NLRC5: variants seen among roughly 807,000 people sequenced by gnomAD.
NLRC5 encodes protein NLRC5.
NLRC5 carries 114 observed loss-of-function variants against 206.9 expected under a neutral mutation model. The ratio of observed to expected loss-of-function variants is 0.55; its 90% CI spans 0.47 to 0.64. The LOEUF (loss-of-function observed/expected upper bound fraction) is 0.64, where lower values mean the gene tolerates loss of function less well. Among genes scored for constraint, NLRC5 ranks in the 30% least tolerant of loss-of-function variants. NLRC5 has a pLI of 0.00. For missense variants in NLRC5, 2,008 were observed against 2,305.5 expected, an observed-to-expected ratio of 0.87 and a Z score of 2.64; for synonymous variants, 952 against 962.8, an observed-to-expected ratio of 0.99 and a Z score of 0.21.
intron 22 of NLRC5, 89 bp from the exon 23 acceptor site, chr16:57,047,456 G>T: frequency 8.6e-7 from 1 of 1,161,870 alleles, no homozygotes; most frequent in South Asian, 1.3e-5. Context: ...TTAGAGTGAG[G>T]GATGCTGGGA....
At chr16:57,014,707 T>C (rs1488014137) in intron 1 of NLRC5, among the ~76,000 whole-genome samples, 7 of 152,158 alleles carry the variant, frequency 4.6e-5, no homozygotes, top group Non-Finnish European at 1.0e-4. Context: ...TCTTAGTCAG[T>C]TTGGGCTGTT....
chr16:56,997,379 C>A (rs562167653), intron 1 of NLRC5, among the ~76,000 whole-genome samples: 1 of 152,060 alleles, frequency 6.6e-6, no homozygotes, highest in Non-Finnish European at 1.5e-5. Context: ...CATGTCCCCT[C>A]CTTGTGCTGT....
chr16:57,061,750 G>A, intron 32 of NLRC5, 49 bp downstream of exon 32: 2 of 1,578,120 alleles, frequency 1.3e-6, no homozygotes, highest in South Asian at 2.3e-5. Flanking sequence ...ATGAATGGGA[G>A]CAGGGGTGGG....
chr16:57,071,764 G>A (rs78392927), intron 38 of NLRC5, among the ~76,000 whole-genome samples: 1,795 of 148,622 alleles, frequency 0.012, 44 homozygotes, highest in African/African-American at 0.043. Flanking sequence ...ATAGGGAAGA[G>A]TTGTGAGTGA....
In NLRC5 at chr16:57,055,013, C is replaced by G. The variant is rs1567612082; in HGVS notation, c.3597-19C>G. The G allele has an allele frequency of 3.1e-6, 5 of 1,614,134 alleles. No homozygotes were observed. The highest frequency in any genetic ancestry group is 2.2e-5 in the East Asian group (1 of 44,884). On this transcript the variant is annotated intron_variant, in intron 25 of 48. Transcript: ENST00000688547. Reference sequence around the variant, plus strand: ...AGGCTGTGGCCACAGCTGTCTGACCCAGGTCCTGTCTGATCCAGGTCCCTG... The same window carrying G: ...AGGCTGTGGCCACAGCTGTCTGACCGAGGTCCTGTCTGATCCAGGTCCCTG...
intron 22 of NLRC5, 21 bp from the exon 23 acceptor site, chr16:57,047,524 C>T (rs772458297): frequency 8.1e-6 from 13 of 1,604,036 alleles, no homozygotes. Flanking sequence ...ATTCCCTGCC[C>T]TGCCCATTGC....
At position 57,033,453 on chromosome 16, in the gene NLRC5, A is replaced by G. The variant is rs1392892548; in HGVS notation, c.2478-151A>G. Reference sequence around the variant, plus strand: ...TGCCCCTCCTGCTCTGCTGAATCACATCTTGAGCATCTGCAAGCAGTCTCC... The same window carrying G: ...TGCCCCTCCTGCTCTGCTGAATCACGTCTTGAGCATCTGCAAGCAGTCTCC... On this transcript the variant is annotated intron_variant, in intron 11 of 48. Coordinates refer to ENST00000688547, the MANE Select transcript of NLRC5 (RefSeq NM_001384950.1). 10 of 692,638 alleles carry G rather than the reference A, an allele frequency of 1.4e-5. No homozygotes were observed. The Admixed American group carries it at 1.9e-4, about 13-fold the overall frequency. 42.9% of individuals were successfully genotyped at this position (692,638 alleles called of 1,614,324 possible).
chr16:57,034,303 G>A, intron 13 of NLRC5, 52 bp downstream of exon 13: 1 of 1,462,626 alleles, frequency 6.8e-7, no homozygotes. Flanking sequence ...AGGTTGGAGA[G>A]GGTGGGCAGG....
chr16:57,065,160 TTGTC>T, intron 32 of NLRC5, 48 bp from the exon 33 acceptor site: 1 of 1,288,704 alleles, frequency 7.8e-7, no homozygotes, highest in Non-Finnish European at 1.0e-6. Context: ...TGTGTGCTGA[TTGTC>T]TGCTGCTCAC....
intron 13 of NLRC5, chr16:57,034,579 G>T: frequency 4.0e-6 from 1 of 252,698 alleles, no homozygotes; most frequent in Non-Finnish European, 7.7e-6. Flanking sequence ...GTCTAGGCTA[G>T]GGTTCAAGCC....
chr16:57,030,967 G>C (rs1399343894), intron 10 of NLRC5, among the ~76,000 whole-genome samples: 1 of 152,146 alleles, frequency 6.6e-6, no homozygotes, highest in Non-Finnish European at 1.5e-5. Flanking sequence ...GGGCATGGTG[G>C]TGCATGCCTG....
rs754775904 is a variant in NLRC5, at chr16:57,026,924, AG to A, written c.1984del (p.Glu662ArgfsTer22). ...CACCCTGACCAACATCCTAGAGCACAGGGAGGCCCCCATCCACCTGGATTTT... is the reference window on the plus strand; with the variant it reads ...CACCCTGACCAACATCCTAGAGCACAGGAGGCCCCCATCCACCTGGATTTT... Reference protein sequence around the residue: ...LATLTNILEHREAPIHLDFDG... With the variant: ...LATLTNILEHXEAPIHLDFDG... On this transcript the variant is annotated frameshift_variant, in exon 6 of 49. Coordinates refer to ENST00000688547, the MANE Select transcript of NLRC5 (RefSeq NM_001384950.1). LOFTEE classifies it high-confidence loss of function. 1 of 1,614,186 alleles carries A rather than the reference AG, an allele frequency of 6.2e-7. No individual in the cohort carries two copies. Among genetic ancestry groups the A allele is most frequent in the Non-Finnish European group, 8.5e-7 (1 of 1,180,014 alleles).
chr16:57,058,864 A>G, intron 28 of NLRC5, 108 bp from the exon 29 acceptor site: 1 of 918,274 alleles, frequency 1.1e-6, no homozygotes, highest in Admixed American at 1.7e-5. Flanking sequence ...TTAGACATGG[A>G]GGCTTCTCTT....
In NLRC5 at chr16:57,002,645, G is replaced by GTT. The variant is rs61167610; in HGVS notation, c.-128+13043_-128+13044dup. 7.5e-3 allele frequency among the ~76,000 whole-genome samples: 710 copies of GTT among 94,726 alleles called. 13 individuals are homozygous for GTT. Among genetic ancestry groups the GTT allele is most frequent in the African/African-American group, 0.013 (336 of 25,788 alleles). The allele number at this position is 94,726 out of a possible 152,430, so 62.1% of individuals were successfully genotyped here. A position where few individuals can be genotyped will look rare whatever the true frequency, so the allele number is the denominator to read the frequency against. On this transcript the variant is annotated intron_variant, in intron 1 of 48. Coordinates refer to ENST00000688547, the MANE Select transcript of NLRC5 (RefSeq NM_001384950.1). ...TCTAAATTTAGTTTAGTTTTTTTTT[G>GTT]TTTTTTTTTTTTTTTTGAGACAGAG...
At chr16:57,079,410 G>A (rs2068847464) in intron 45 of NLRC5, 118 bp downstream of exon 45, 2 of 1,385,872 alleles carry the variant, frequency 1.4e-6, no homozygotes, top group South Asian at 2.4e-5. Context: ...GGGATGGTGG[G>A]GGCCTGGCTC....
intron 4 of NLRC5, among the ~76,000 whole-genome samples, chr16:57,023,036 G>T (rs969517832): frequency 6.6e-6 from 1 of 152,198 alleles, no homozygotes; most frequent in African/African-American, 2.4e-5. Context: ...TATAGGATTT[G>T]TTAAGATATT....
intron 19 of NLRC5, 142 bp downstream of exon 19, chr16:57,042,207 G>C: frequency 2.2e-6 from 1 of 459,566 alleles, no homozygotes; most frequent in Non-Finnish European, 3.8e-6. Flanking sequence ...GTAAGTTCTC[G>C]GTGAAGGCTA....
At chr16:57,023,989 A>T (rs2060978521) in intron 5 of NLRC5, 136 bp downstream of exon 5, 1 of 816,462 alleles carries the variant, frequency 1.2e-6, no homozygotes. Flanking sequence ...TTTCCAGGAG[A>T]AAAGGACTGG....
intron 1 of NLRC5, among the ~76,000 whole-genome samples, chr16:57,011,638 C>T (rs1233764395): frequency 1.3e-5 from 2 of 151,370 alleles, no homozygotes; most frequent in Non-Finnish European, 2.9e-5. Flanking sequence ...AGGGGAATCA[C>T]TTGAACTCAG....
Sources: gnomAD v4.1 joint callset for allele counts (sites outside exome capture counted in the v4.1 genomes callset) on GRCh38, gnomAD v4.1.1 for gene constraint, MANE v1.5 for transcripts, NCBI Gene and HGNC (gene_info 2026-07-23, HGNC 2026-07-21) for gene names.